LPP: variants seen among roughly 807,000 people sequenced by gnomAD.
LPP encodes lipoma-preferred partner.
Under a neutral mutation model 60.4 loss-of-function variants are expected in LPP, and 38 were observed. That is an observed-to-expected ratio of 0.63 (90% CI 0.49 to 0.83). The LOEUF is 0.83. Ranked by LOEUF, LPP falls within the 40% of genes least tolerant of loss-of-function variation. LPP has a pLI of 0.00. For missense variants in LPP, 902 were observed against 783.6 expected (o/e 1.15, Z -1.80); for synonymous variants, 328 against 290.8 (o/e 1.13, Z -1.30).
chr3:188,604,219 A>G (rs538850072), intron 6 of LPP, among the ~76,000 whole-genome samples: 4 of 152,188 alleles, frequency 2.6e-5, no homozygotes, highest in South Asian at 4.1e-4. Flanking sequence ...TACATAGTAG[A>G]CTTTCAATAA....
chr3:188,188,860 A>G (rs1338876182), intron 1 of LPP, among the ~76,000 whole-genome samples: 1 of 152,166 alleles, frequency 6.6e-6, no homozygotes, highest in Non-Finnish European at 1.5e-5. Context: ...GCATCACATA[A>G]TTACACAAAA....
At chr3:188,459,613 C>T (rs1307280508) in intron 4 of LPP, among the ~76,000 whole-genome samples, 1 of 152,090 alleles carries the variant, frequency 6.6e-6, no homozygotes, top group Non-Finnish European at 1.5e-5. Flanking sequence ...TATTAGTACT[C>T]CTACTTTCCA....
intron 2 of LPP, among the ~76,000 whole-genome samples, chr3:188,235,381 C>A (rs967304942): frequency 3.3e-5 from 5 of 152,122 alleles, no homozygotes; most frequent in Admixed American, 1.3e-4. Flanking sequence ...TCGAAGTTCA[C>A]AATCACTGCA....
At chr3:188,322,736 A>G (rs533011873) in intron 2 of LPP, among the ~76,000 whole-genome samples, 82 of 152,174 alleles carry the variant, frequency 5.4e-4, no homozygotes, top group African/African-American at 1.7e-3. Context: ...TGGCTCTGCT[A>G]TTTTCTAGTT....
chr3:188,743,080 G>A (rs1725001770), intron 8 of LPP, among the ~76,000 whole-genome samples: 1 of 152,008 alleles, frequency 6.6e-6, no homozygotes, highest in Admixed American at 6.6e-5. Context: ...GCATTTTTTG[G>A]TCCTAATATT....
At chr3:188,219,074 G>A (rs533218342) in intron 1 of LPP, among the ~76,000 whole-genome samples, 27 of 151,962 alleles carry the variant, frequency 1.8e-4, no homozygotes, top group African/African-American at 6.3e-4. Context: ...TTTAGGGGCG[G>A]GGTGGGGGGG....
At chr3:188,167,534 A>G (rs1295525632) in intron 1 of LPP, among the ~76,000 whole-genome samples, 1 of 151,504 alleles carries the variant, frequency 6.6e-6, no homozygotes, top group Non-Finnish European at 1.5e-5. Flanking sequence ...AAAACAAAAC[A>G]AAACAAAGGC....
At chr3:188,480,505 G>C (rs1804472506) in intron 4 of LPP, among the ~76,000 whole-genome samples, 1 of 152,194 alleles carries the variant, frequency 6.6e-6, no homozygotes, top group Non-Finnish European at 1.5e-5. Flanking sequence ...ATGTAGGTAG[G>C]ATTTGGAGGA....
At chr3:188,858,592 T>C (rs1578012134) in intron 9 of LPP, among the ~76,000 whole-genome samples, 1 of 152,338 alleles carries the variant, frequency 6.6e-6, no homozygotes, top group South Asian at 2.1e-4. Context: ...GATTTTTAGC[T>C]CATGGCAAAA....
At chr3:188,778,125 C>A (rs1415304192) in intron 9 of LPP, among the ~76,000 whole-genome samples, 2 of 152,114 alleles carry the variant, frequency 1.3e-5, no homozygotes, top group East Asian at 3.9e-4. Context: ...ATCAAATATT[C>A]CAACTGTTTT....
At chr3:188,207,988 G>A (rs1733763507) in intron 1 of LPP, among the ~76,000 whole-genome samples, 1 of 152,068 alleles carries the variant, frequency 6.6e-6, no homozygotes, top group African/African-American at 2.4e-5. Flanking sequence ...ACATCCCTGG[G>A]GATTCAAGCA....
At chr3:188,507,668 C>T (rs1158114961) in intron 5 of LPP, among the ~76,000 whole-genome samples, 2 of 151,974 alleles carry the variant, frequency 1.3e-5, no homozygotes, top group Non-Finnish European at 2.9e-5. Flanking sequence ...CAGAGAAGCG[C>T]GGATGGGTGG....
chr3:188,250,976 TCCCTC>T (rs1471351322), intron 2 of LPP, among the ~76,000 whole-genome samples: 1 of 11,890 alleles, frequency 8.4e-5, no homozygotes, highest in Non-Finnish European at 1.5e-4. Context: ...TCCCTTCCCT[TCCCTC>T]CCCTCCCCTG....
Position 188,354,186 on chromosome 3 carries a change from G to T in LPP, c.-10+12467G>T, listed in dbSNP as rs539659910. Among the ~76,000 whole-genome samples, 4 of 152,076 alleles carry T rather than the reference G, an allele frequency of 2.6e-5. No homozygotes were observed. The East Asian group carries it at 7.7e-4, about 29-fold the overall frequency. ...AAAAACACACACACACAAATGTCGA[G>T]CAGTCTTCTTTTTTTAATGTATATT... On this transcript the variant is annotated intron_variant, in intron 3 of 11. Transcript: ENST00000617246.
intron 2 of LPP, among the ~76,000 whole-genome samples, chr3:188,338,412 T>C (rs185285138): frequency 2.0e-5 from 3 of 152,370 alleles, no homozygotes; most frequent in Admixed American, 2.0e-4. Context: ...AACATTGTTT[T>C]ATTTTAATAA....
At chr3:188,676,231 A>T (rs1219712097) in intron 7 of LPP, among the ~76,000 whole-genome samples, 2 of 152,194 alleles carry the variant, frequency 1.3e-5, no homozygotes, top group African/African-American at 2.4e-5. Flanking sequence ...CCTTGCACAT[A>T]GTGGGGAGAT....
intron 3 of LPP, among the ~76,000 whole-genome samples, chr3:188,394,949 A>AT (rs1316611641): frequency 0.01 from 1,553 of 152,300 alleles, 27 homozygotes; most frequent in African/African-American, 0.035. Flanking sequence ...CCTCTCTTAC[A>AT]AAAACTAGTG....
chr3:188,770,346 T>A (rs79460175), intron 9 of LPP, among the ~76,000 whole-genome samples: 2 of 948 alleles, frequency 2.1e-3, no homozygotes, highest in South Asian at 0.029. Flanking sequence ...GCCCAGCTAT[T>A]TTTTTTTTTT....
intron 5 of LPP, among the ~76,000 whole-genome samples, chr3:188,495,907 C>T (rs1426270): frequency 0.72 from 109,609 of 152,048 alleles, 40,462 homozygotes; most frequent in Middle Eastern, 0.91. Context: ...ACTTTGAAAC[C>T]CTAGTGTCTT....
Sources: gnomAD v4.1 joint callset for allele counts (sites outside exome capture counted in the v4.1 genomes callset) on GRCh38, gnomAD v4.1.1 for gene constraint, MANE v1.5 for transcripts, NCBI Gene and HGNC (gene_info 2026-07-23, HGNC 2026-07-21) for gene names.